MCOLN2: variants seen among roughly 807,000 people sequenced by gnomAD.
The protein encoded by MCOLN2 is mucolipin-2.
Under a neutral mutation model 67.5 loss-of-function variants are expected in MCOLN2, and 57 were observed. The ratio of observed to expected loss-of-function variants is 0.84; its 90% CI spans 0.68 to 1.05. The LOEUF (loss-of-function observed/expected upper bound fraction) is 1.05, where lower values mean the gene tolerates loss of function less well. MCOLN2 is among the 50% of genes least tolerant of loss of function. The pLI is 0.00. For missense variants in MCOLN2, 620 were observed against 678.8 expected (o/e 0.91, Z 0.96); for synonymous variants, 246 against 233.3 (o/e 1.05, Z -0.50).
chr1:84,983,798 T>C (rs993905352), intron 1 of MCOLN2, among the ~76,000 whole-genome samples: 4 of 150,622 alleles, frequency 2.7e-5, no homozygotes, highest in African/African-American at 9.8e-5. Context: ...TGCCTCAGCC[T>C]CCCGAGTAGC....
intron 1 of MCOLN2, among the ~76,000 whole-genome samples, chr1:84,972,970 G>A (rs1002701062): frequency 6.6e-6 from 1 of 152,166 alleles, no homozygotes; most frequent in African/African-American, 2.4e-5. Flanking sequence ...TACTTGACAA[G>A]GGGCCTGAAA....
intron 1 of MCOLN2, among the ~76,000 whole-genome samples, chr1:84,988,884 A>G (rs1195105607): frequency 1.3e-5 from 2 of 151,910 alleles, no homozygotes; most frequent in African/African-American, 2.4e-5. Flanking sequence ...CGCTCTGCAC[A>G]TTTCACTCAC....
intron 1 of MCOLN2, among the ~76,000 whole-genome samples, chr1:84,992,466 G>A (rs1462418665): frequency 2.6e-5 from 4 of 151,922 alleles, no homozygotes; most frequent in South Asian, 4.2e-4. Flanking sequence ...TGAGAAGAAC[G>A]GGAAGAAAAA....
At chr1:84,976,550 G>C (rs913472662) in intron 1 of MCOLN2, among the ~76,000 whole-genome samples, 7 of 152,090 alleles carry the variant, frequency 4.6e-5, no homozygotes, top group Admixed American at 4.6e-4. Flanking sequence ...GGTGGATCAC[G>C]ATGTCAGGAG....
chr1:84,953,570 G>T (rs1648623463), intron 4 of MCOLN2, among the ~76,000 whole-genome samples: 1 of 136,386 alleles, frequency 7.3e-6, no homozygotes, highest in South Asian at 2.3e-4. Flanking sequence ...AAAAAAAAAT[G>T]TTAGTATTGG....
At chr1:84,963,357 T>C (rs1484647677) in intron 2 of MCOLN2, among the ~76,000 whole-genome samples, 1 of 152,158 alleles carries the variant, frequency 6.6e-6, no homozygotes, top group Non-Finnish European at 1.5e-5. Flanking sequence ...ATGAGATGCT[T>C]CACATTTATT....
Position 84,937,855 on chromosome 1 carries a change from G to A in MCOLN2, c.1235C>T (p.Ala412Val). 1 of 1,614,142 alleles carries A rather than the reference G, an allele frequency of 6.2e-7. No individual in the cohort carries two copies. Among genetic ancestry groups the A allele is most frequent in the Non-Finnish European group, 8.5e-7 (1 of 1,180,028 alleles). Residue 412 changes from alanine to valine, a missense_variant, in exon 11 of 14, where the codon GCC (alanine) becomes GTC (valine). Transcript: ENST00000370608. ...AYNVLILTMQ[A>V]SLPKVLRFCA... ...AAACCGAAGAACTTTTGGCAGTGAG[G>A]CCTGCATTGTTAAAATCAGCACCTG... is the stretch of plus-strand genomic sequence containing the variant.
chr1:84,939,568 C>T lies in MCOLN2; in HGVS notation c.1095G>A (p.Met365Ile), dbSNP rs762254197. The T allele has an allele frequency of 3.7e-6, 6 of 1,613,688 alleles. No homozygotes were observed. In the Admixed American group the frequency reaches 8.3e-5, roughly 22 times the overall value. Residue 365 changes from methionine to isoleucine, a missense_variant, in exon 9 of 14, where the codon ATG becomes ATA. Transcript: ENST00000370608. The part of the protein sequence containing the change: ...LMTIIGSILK[M>I]EIKAKNLTNY... Reference sequence around the variant, plus strand: ...CTTCCCTCACCTTTGCTTTGATTTCCATTTTTAATATGGAGCCAATGATTG... The same window carrying T: ...CTTCCCTCACCTTTGCTTTGATTTCTATTTTTAATATGGAGCCAATGATTG...
intron 1 of MCOLN2, among the ~76,000 whole-genome samples, chr1:84,978,487 A>C (rs1478420507): frequency 6.6e-6 from 1 of 152,286 alleles, no homozygotes; most frequent in Non-Finnish European, 1.5e-5. Flanking sequence ...CTTTAGCCAG[A>C]GAGAAGATCC....
chr1:84,996,737 C>T, intron 1 of MCOLN2, 59 bp downstream of exon 1: 1 of 1,475,754 alleles, frequency 6.8e-7, no homozygotes, highest in Non-Finnish European at 9.5e-7. Flanking sequence ...GTAAAGCCAT[C>T]GACTTTAGGA....
chr1:84,937,916 C>CTAT (rs763380468), intron 10 of MCOLN2, 39 bp from the exon 11 acceptor site: 8 of 1,613,812 alleles, frequency 5.0e-6, no homozygotes, highest in Non-Finnish European at 6.8e-6. Context: ...GAAAAAGTAG[C>CTAT]TATTAGAACC....
intron 1 of MCOLN2, among the ~76,000 whole-genome samples, chr1:84,990,519 A>G (rs1370079423): frequency 1.3e-5 from 2 of 152,094 alleles, no homozygotes; most frequent in African/African-American, 2.4e-5. Context: ...AGAAATGTTA[A>G]TTGCGGCCCT....
At chr1:84,950,684 G>A (rs962120530) in intron 6 of MCOLN2, among the ~76,000 whole-genome samples, 10 of 152,126 alleles carry the variant, frequency 6.6e-5, no homozygotes, top group Middle Eastern at 6.3e-3. Flanking sequence ...AAGTTCACTG[G>A]CAGAGCTTGG....
chr1:84,958,445 T>C lies in MCOLN2; in HGVS notation c.411+84A>G. The C allele has an allele frequency of 6.5e-6, 7 of 1,069,494 alleles. No homozygotes were observed. In the South Asian group the frequency reaches 8.1e-5, roughly 12 times the overall value. 66.3% of individuals were successfully genotyped at this position (1,069,494 alleles called of 1,614,324 possible). On this transcript the variant is annotated intron_variant, in intron 3 of 13. Coordinates refer to ENST00000370608, the MANE Select transcript of MCOLN2 (RefSeq NM_153259.4). Reference sequence around the variant, plus strand: ...ACTTACATTAGAATATTTTAACATGTGTATAATTTTTGTTTGTTGGCTAAG... The same window carrying C: ...ACTTACATTAGAATATTTTAACATGCGTATAATTTTTGTTTGTTGGCTAAG...
In MCOLN2 at chr1:84,941,002, A is replaced by T; in HGVS notation, c.848-11T>A. On this transcript the variant is annotated splice_polypyrimidine_tract_variant and intron_variant, in intron 7 of 13. Transcript: ENST00000370608. ...GAGCATTTTTCTGAGCTGAGGAATA[A>T]AACAGAATTCAAATGTTAAACACAC... 1 of 1,572,614 alleles carries T rather than the reference A, an allele frequency of 6.4e-7. No homozygotes were observed. Among genetic ancestry groups the T allele is most frequent in the Non-Finnish European group, 8.7e-7 (1 of 1,145,612 alleles).
intron 8 of MCOLN2, among the ~76,000 whole-genome samples, chr1:84,940,006 T>C (rs1396038889): frequency 6.6e-6 from 1 of 151,834 alleles, no homozygotes; most frequent in East Asian, 1.9e-4. Flanking sequence ...TCCATTCCGA[T>C]AACAACCCAA....
rs1178696561 is a variant in MCOLN2 at position 84,987,471 on chromosome 1, G to GAT, written c.77+9323_77+9324dup. On this transcript the variant is annotated intron_variant, in intron 1 of 13. Transcript: ENST00000370608. ...ACATATATACATATATGTATATATA[G>GAT]ATATATATACATATATACATATGTA... 5.2e-4 allele frequency among the ~76,000 whole-genome samples: 24 copies of GAT among 45,808 alleles called. 1 individual carries two copies. Among genetic ancestry groups the GAT allele is most frequent in the Non-Finnish European group, 7.8e-4 (20 of 25,690 alleles). 30.1% of individuals were successfully genotyped at this position (45,808 alleles called of 152,430 possible). A position where few individuals can be genotyped will look rare whatever the true frequency, so the allele number is the denominator to read the frequency against.
chr1:84,936,812 A>G (rs1223784765), intron 11 of MCOLN2, among the ~76,000 whole-genome samples: 1 of 152,252 alleles, frequency 6.6e-6, no homozygotes, highest in Non-Finnish European at 1.5e-5. Flanking sequence ...AATGCAACTA[A>G]CAAGGTCAAA....
chr1:84,932,043 C>CAA (rs1647212928), intron 11 of MCOLN2, among the ~76,000 whole-genome samples: 1 of 151,886 alleles, frequency 6.6e-6, no homozygotes, highest in Non-Finnish European at 1.5e-5. Context: ...CACACACACA[C>CAA]ACACACACAC....
Sources: allele counts gnomAD v4.1 joint callset (sites outside exome capture counted in the v4.1 genomes callset), GRCh38; gene constraint gnomAD v4.1.1; transcripts MANE v1.5; gene names NCBI Gene and HGNC (gene_info 2026-07-23, HGNC 2026-07-21).